The following PLCL1 variants were observed in gnomAD, a reference collection of about 807,000 sequenced individuals.
PLCL1 encodes inactive phospholipase C-like protein 1.
PLCL1 carries 41 observed loss-of-function variants against 84.4 expected under a neutral mutation model. The ratio of observed to expected loss-of-function variants is 0.49; its 90% CI spans 0.38 to 0.63. PLCL1 has a LOEUF of 0.63. PLCL1 is among the 30% of genes least tolerant of loss of function. The probability of loss-of-function intolerance (pLI) is 0.00; values close to 1 mark genes in which losing one functional copy is unlikely to be tolerated. For synonymous variants in PLCL1, 490 were observed against 488.3 expected, an observed-to-expected ratio of 1.00 and a Z score of -0.05; for missense variants, 1,206 against 1,367.8, an observed-to-expected ratio of 0.88 and a Z score of 1.87.
chr2:197,921,973 G>GAAAATATAGAA (rs1688705148), intron 1 of PLCL1, among the ~76,000 whole-genome samples: 1 of 149,642 alleles, frequency 6.7e-6, no homozygotes, highest in Non-Finnish European at 1.5e-5. Context: ...TACAGATAGA[G>GAAAATATAGAA]ACAAGTGCAG....
chr2:197,872,798 A>G (rs991931689), intron 1 of PLCL1, among the ~76,000 whole-genome samples: 3 of 152,166 alleles, frequency 2.0e-5, no homozygotes, highest in African/African-American at 7.2e-5. Context: ...TGAGTAAAAG[A>G]TTTCTTATAC....
intron 3 of PLCL1, among the ~76,000 whole-genome samples, chr2:198,100,891 A>G (rs1416392154): frequency 6.6e-6 from 1 of 151,948 alleles, no homozygotes; most frequent in Non-Finnish European, 1.5e-5. Context: ...AGGATAAAAA[A>G]CCCTATTCTG....
chr2:197,986,257 C>T (rs1690215461), intron 1 of PLCL1, among the ~76,000 whole-genome samples: 1 of 152,202 alleles, frequency 6.6e-6, no homozygotes, highest in African/African-American at 2.4e-5. Context: ...ATTAGAGTAG[C>T]TGCTTCAGGT....
At chr2:198,024,678 G>C in intron 1 of PLCL1, among the ~76,000 whole-genome samples, 2 of 151,892 alleles carry the variant, frequency 1.3e-5, no homozygotes, top group East Asian at 3.9e-4. Context: ...CAAGAGAATC[G>C]CATGAACCCA....
chr2:198,081,310 A>C (rs1409238141), intron 1 of PLCL1, among the ~76,000 whole-genome samples: 1 of 152,216 alleles, frequency 6.6e-6, no homozygotes, highest in Non-Finnish European at 1.5e-5. Flanking sequence ...TTAGCTTTAA[A>C]AGCTGAGTCA....
chr2:197,975,097 C>T (rs1483953476), intron 1 of PLCL1, among the ~76,000 whole-genome samples: 3 of 142,672 alleles, frequency 2.1e-5, no homozygotes, highest in Non-Finnish European at 3.0e-5. Flanking sequence ...GCCGAGATTG[C>T]GCCACTGCAG....
chr2:198,027,367 G>A (rs1444234918), intron 1 of PLCL1, among the ~76,000 whole-genome samples: 1 of 152,102 alleles, frequency 6.6e-6, no homozygotes, highest in African/African-American at 2.4e-5. Flanking sequence ...GAGGAATTGG[G>A]GAGATGCTGT....
intron 1 of PLCL1, among the ~76,000 whole-genome samples, chr2:197,887,704 C>T (rs1209179261): frequency 1.3e-5 from 2 of 152,074 alleles, no homozygotes; most frequent in East Asian, 3.9e-4. Context: ...ATACTTTGTA[C>T]CCATTAAGTA....
rs534357276 is a variant in PLCL1, at chr2:197,836,291, C to A, written c.240+30952C>A. ...AAACCCCGTCTCTACTAAAAAAATACAAAAAATTAGCCGGGCGTAGTGGTG... is the reference window on the plus strand; with the variant it reads ...AAACCCCGTCTCTACTAAAAAAATAAAAAAAATTAGCCGGGCGTAGTGGTG... On this transcript the variant is annotated intron_variant, in intron 1 of 5. Transcript: ENST00000428675. 4.7e-3 allele frequency among the ~76,000 whole-genome samples: 711 copies of A among 151,524 alleles called. 19 individuals are homozygous for A. Among genetic ancestry groups the A allele is most frequent in the Admixed American group, 0.044 (676 of 15,238 alleles).
intron 1 of PLCL1, among the ~76,000 whole-genome samples, chr2:197,884,970 A>G (rs1687891897): frequency 6.6e-6 from 1 of 151,972 alleles, no homozygotes; most frequent in South Asian, 2.1e-4. Context: ...TCACCTTCTT[A>G]TTTGGCCTAT....
chr2:197,999,844 G>T (rs79508374), intron 1 of PLCL1, among the ~76,000 whole-genome samples: 1 of 151,896 alleles, frequency 6.6e-6, no homozygotes, highest in African/African-American at 2.4e-5. Flanking sequence ...TATGTAATAC[G>T]TATGTGTGTG....
chr2:198,018,799 C>T (rs558775369), intron 1 of PLCL1, among the ~76,000 whole-genome samples: 29 of 152,300 alleles, frequency 1.9e-4, no homozygotes, highest in South Asian at 1.7e-3. Context: ...CGGCTGTAGG[C>T]GCAGCTTCAG....
At chr2:198,056,276 T>C (rs1692070236) in intron 1 of PLCL1, among the ~76,000 whole-genome samples, 1 of 152,178 alleles carries the variant, frequency 6.6e-6, no homozygotes, top group Admixed American at 6.5e-5. Flanking sequence ...GGTTTAATAA[T>C]TTTTTTCTTA....
intron 1 of PLCL1, among the ~76,000 whole-genome samples, chr2:197,963,889 G>A (rs1689673129): frequency 6.6e-6 from 1 of 151,998 alleles, no homozygotes; most frequent in Admixed American, 6.6e-5. Context: ...TGTCAAAAAT[G>A]AGTTTGCTGT....
chr2:198,060,844 C>T (rs938667641), intron 1 of PLCL1, among the ~76,000 whole-genome samples: 14 of 152,054 alleles, frequency 9.2e-5, no homozygotes, highest in Non-Finnish European at 1.9e-4. Flanking sequence ...TGCCACCTTC[C>T]TTTAAAGTAC....
chr2:197,855,804 A>G (rs1212022080), intron 1 of PLCL1, among the ~76,000 whole-genome samples: 1 of 152,116 alleles, frequency 6.6e-6, no homozygotes, highest in Middle Eastern at 3.2e-3. Context: ...GATTCAGATG[A>G]CCAAAGACCA....
intron 1 of PLCL1, among the ~76,000 whole-genome samples, chr2:198,025,770 C>G (rs1405046516): frequency 6.6e-6 from 1 of 152,140 alleles, no homozygotes; most frequent in African/African-American, 2.4e-5. Context: ...GGGAAAACTC[C>G]TATGTAAACA....
At chr2:198,053,714 A>G (rs1559087332) in intron 1 of PLCL1, among the ~76,000 whole-genome samples, 1 of 152,318 alleles carries the variant, frequency 6.6e-6, no homozygotes, top group Non-Finnish European at 1.5e-5. Flanking sequence ...TTGTGATAGA[A>G]ATAGAAAGGA....
chr2:197,923,217 ACCTC>A (rs1324775668), intron 1 of PLCL1, among the ~76,000 whole-genome samples: 1 of 122,104 alleles, frequency 8.2e-6, no homozygotes, highest in Non-Finnish European at 1.7e-5. Flanking sequence ...CTGACCCCCC[ACCTC>A]CCTCCCGGAT....
Sources: gnomAD v4.1 joint callset for allele counts (sites outside exome capture counted in the v4.1 genomes callset) on GRCh38, gnomAD v4.1.1 for gene constraint, MANE v1.5 for transcripts, NCBI Gene and HGNC (gene_info 2026-07-23, HGNC 2026-07-21) for gene names.